Variants in AP4E1 observed in about 807,000 individuals in gnomAD.
The protein encoded by AP4E1 is AP-4 complex subunit epsilon-1.
In AP4E1, 56 loss-of-function variants were observed where a neutral mutation model predicts 128.2. That is an observed-to-expected ratio of 0.44 (90% CI 0.35 to 0.55). AP4E1 has a LOEUF of 0.55. Among genes scored for constraint, AP4E1 ranks in the 20% least tolerant of loss-of-function variants. The probability of loss-of-function intolerance (pLI) is 0.00; values close to 1 mark genes in which losing one functional copy is unlikely to be tolerated. For synonymous variants in AP4E1, 484 were observed against 473.1 expected, an observed-to-expected ratio of 1.02 and a Z score of -0.30; for missense variants, 1,324 against 1,307.7, an observed-to-expected ratio of 1.01 and a Z score of -0.19.
rs1325979473 is a variant in AP4E1, at chr15:51,002,726, A to G, written c.*64A>G. ...GTTTACATAGATAAACTTATTTACC[A>G]AAGTAAAAAGAACTCATGGTACTTC... On this transcript the variant is annotated 3_prime_UTR_variant, in exon 21 of 21. Coordinates refer to ENST00000261842, the MANE Select transcript of AP4E1 (RefSeq NM_007347.5). 1 of 1,582,590 alleles carries G rather than the reference A, an allele frequency of 6.3e-7. No homozygotes were observed. The highest frequency in any genetic ancestry group is 8.7e-7 in the Non-Finnish European group (1 of 1,155,718).
intron 5 of AP4E1, among the ~76,000 whole-genome samples, chr15:50,927,581 G>A (rs890283734): frequency 3.4e-5 from 5 of 145,032 alleles, no homozygotes; most frequent in East Asian, 2.1e-4. Flanking sequence ...CAGTTAACAC[G>A]CAATGGCAAT....
intron 15 of AP4E1, among the ~76,000 whole-genome samples, chr15:50,983,422 A>C (rs914739613): frequency 5.3e-5 from 8 of 152,208 alleles, no homozygotes; most frequent in African/African-American, 1.9e-4. Flanking sequence ...CTGGGTGGTC[A>C]TGATCTAGAT....
chr15:50,995,438 C>T (rs1368070050), intron 17 of AP4E1, among the ~76,000 whole-genome samples: 1 of 146,338 alleles, frequency 6.8e-6, no homozygotes, highest in East Asian at 2.1e-4. Context: ...TACTCTGTTA[C>T]CCAGGCTGGA....
intron 15 of AP4E1, among the ~76,000 whole-genome samples, chr15:50,975,982 A>AAG (rs1022633545): frequency 2.1e-5 from 3 of 143,882 alleles, no homozygotes; most frequent in Non-Finnish European, 4.6e-5. Context: ...GAGAGAGAGA[A>AAG]AGAGAGAGAG....
intron 19 of AP4E1, among the ~76,000 whole-genome samples, chr15:51,000,367 T>C (rs2064945374): frequency 6.6e-6 from 1 of 152,108 alleles, no homozygotes; most frequent in Non-Finnish European, 1.5e-5. Flanking sequence ...TCTCAAACTG[T>C]TGGGCTCAAG....
chr15:50,989,604 G>A (rs1162551360), intron 16 of AP4E1, among the ~76,000 whole-genome samples: 1 of 152,030 alleles, frequency 6.6e-6, no homozygotes, highest in East Asian at 1.9e-4. Flanking sequence ...GGAGGTGACA[G>A]CAATTAAGTG....
At chr15:50,968,480 C>G in intron 15 of AP4E1, 103 bp downstream of exon 15, 1 of 910,054 alleles carries the variant, frequency 1.1e-6, no homozygotes, top group Non-Finnish European at 1.7e-6. Context: ...TCTATTATTT[C>G]TCTTTAATGA....
chr15:50,963,622 G>A (rs1436129305), intron 14 of AP4E1, among the ~76,000 whole-genome samples: 1 of 152,062 alleles, frequency 6.6e-6, no homozygotes, highest in Non-Finnish European at 1.5e-5. Context: ...CTAGATAAGA[G>A]GAGTAAGTTC....
chr15:50,913,068 T>C (rs1596451502), intron 2 of AP4E1, among the ~76,000 whole-genome samples: 1 of 152,214 alleles, frequency 6.6e-6, no homozygotes, highest in South Asian at 2.1e-4. Context: ...ATGTTTTCCC[T>C]CCCTGCCAGT....
chr15:50,956,276 G>C (rs1014192955), intron 13 of AP4E1, among the ~76,000 whole-genome samples: 1 of 152,078 alleles, frequency 6.6e-6, no homozygotes, highest in Non-Finnish European at 1.5e-5. Flanking sequence ...TTATCATACT[G>C]TTTAAGGATT....
chr15:50,973,610 C>T (rs1459810112), intron 15 of AP4E1, among the ~76,000 whole-genome samples: 1 of 152,156 alleles, frequency 6.6e-6, no homozygotes, highest in Non-Finnish European at 1.5e-5. Context: ...GCAACCAGTC[C>T]ATTCCTCAAT....
intron 14 of AP4E1, among the ~76,000 whole-genome samples, chr15:50,965,672 A>G (rs774165460): frequency 6.6e-6 from 1 of 152,162 alleles, no homozygotes; most frequent in Admixed American, 6.5e-5. Flanking sequence ...ACGTTTGGCT[A>G]TCTTCTTTTA....
intron 15 of AP4E1, among the ~76,000 whole-genome samples, chr15:50,969,660 C>CTT (rs370228298): frequency 6.6e-4 from 89 of 133,956 alleles, no homozygotes; most frequent in Middle Eastern, 3.9e-3. Flanking sequence ...CAATATCTTT[C>CTT]TTTTTTTTTT....
chr15:50,990,344 T>TTTATTATTATTATTATTATTA (rs67379169), intron 16 of AP4E1, among the ~76,000 whole-genome samples: 48 of 141,096 alleles, frequency 3.4e-4, no homozygotes, highest in East Asian at 1.2e-3. Flanking sequence ...ATTTATTTAA[T>TTTATTATTATTATTATTATTA]TTATTATTAT....
chr15:50,975,310 C>A (rs1443374759), intron 15 of AP4E1, among the ~76,000 whole-genome samples: 1 of 152,140 alleles, frequency 6.6e-6, no homozygotes, highest in Non-Finnish European at 1.5e-5. Flanking sequence ...GAGGCTGAGG[C>A]AGGAGAATCA....
intron 2 of AP4E1, among the ~76,000 whole-genome samples, chr15:50,914,515 G>A (rs1457267934): frequency 2.6e-5 from 4 of 151,974 alleles, no homozygotes; most frequent in South Asian, 2.1e-4. Context: ...GATGGGCGTG[G>A]TGGCGTGCAC....
At chr15:50,923,839 T>A in intron 3 of AP4E1, 92 bp from the exon 4 acceptor site, 1 of 898,316 alleles carries the variant, frequency 1.1e-6, no homozygotes, top group South Asian at 1.4e-5. Flanking sequence ...GTAACTGGTA[T>A]CTTTGATACT....
chr15:50,950,596 TTTC>T (rs949959878), intron 13 of AP4E1, among the ~76,000 whole-genome samples: 3 of 152,152 alleles, frequency 2.0e-5, no homozygotes, highest in African/African-American at 7.2e-5. Flanking sequence ...ATTAACTTCT[TTTC>T]TTCTTCTTTT....
chr15:50,924,920 A>G (rs1270681208), intron 4 of AP4E1, among the ~76,000 whole-genome samples, 178 bp from the exon 5 acceptor site: 1 of 152,224 alleles, frequency 6.6e-6, no homozygotes, highest in East Asian at 1.9e-4. Flanking sequence ...TACTGACTCT[A>G]TTAAGGCAAA....
Sources: gnomAD v4.1 joint callset for allele counts (sites outside exome capture counted in the v4.1 genomes callset) on GRCh38, gnomAD v4.1.1 for gene constraint, MANE v1.5 for transcripts, NCBI Gene and HGNC (gene_info 2026-07-23, HGNC 2026-07-21) for gene names.